The following NOL4L variants were observed in gnomAD, a reference collection of about 807,000 sequenced individuals.
NOL4L encodes nucleolar protein 4-like.
A neutral mutation model predicts 64.5 loss-of-function variants in NOL4L; 7 were observed. The observed-to-expected ratio is 0.11, with a 90% CI of 0.06 to 0.20. The LOEUF (loss-of-function observed/expected upper bound fraction) is 0.20. NOL4L is among the 10% of genes least tolerant of loss of function. The pLI is 1.00. For missense variants in NOL4L, 680 were observed against 967.1 expected, an observed-to-expected ratio of 0.70 and a Z score of 3.94; for synonymous variants, 413 against 401.0, an observed-to-expected ratio of 1.03 and a Z score of -0.36.
At chr20:32,567,894 T>C (rs1165168151) in intron 1 of NOL4L, among the ~76,000 whole-genome samples, 2 of 150,576 alleles carry the variant, frequency 1.3e-5, no homozygotes, top group Admixed American at 6.6e-5. Context: ...ACCACCACCA[T>C]CATCTTCATC....
chr20:32,472,195 T>C (rs913016604), intron 5 of NOL4L, among the ~76,000 whole-genome samples: 2 of 152,208 alleles, frequency 1.3e-5, no homozygotes, highest in African/African-American at 4.8e-5. Context: ...TAGGTCTCAG[T>C]AAATGTTTGT....
chr20:32,536,627 G>C (rs1178629741), intron 1 of NOL4L, among the ~76,000 whole-genome samples: 3 of 149,366 alleles, frequency 2.0e-5, no homozygotes, highest in African/African-American at 7.3e-5. Context: ...CTCGCGGGCA[G>C]GCAGGTAATG....
At chr20:32,475,249 C>T (rs1280118772) in intron 4 of NOL4L, 1 of 985,362 alleles carries the variant, frequency 1.0e-6, no homozygotes, top group Non-Finnish European at 1.2e-6. Context: ...CTCCCACTCC[C>T]CCAGCCCAGA....
intron 1 of NOL4L, chr20:32,535,500 C>A (rs2018491510): frequency 2.5e-6 from 2 of 808,328 alleles, no homozygotes; most frequent in African/African-American, 3.7e-5. Context: ...GCCGCCACCG[C>A]CACCACCGAG....
intron 1 of NOL4L, among the ~76,000 whole-genome samples, chr20:32,561,334 G>C (rs987717254): frequency 3.3e-5 from 5 of 152,200 alleles, no homozygotes; most frequent in African/African-American, 7.2e-5. Flanking sequence ...GCCCAGCCGA[G>C]GCTTGGAAAA....
At chr20:32,502,367 C>A (rs185109662) in intron 4 of NOL4L, among the ~76,000 whole-genome samples, 1 of 144,034 alleles carries the variant, frequency 6.9e-6, no homozygotes, top group Admixed American at 6.9e-5. Context: ...CCGAGGCAGG[C>A]GGATCACCTG....
At chr20:32,484,472 T>C (rs1258875762) in intron 4 of NOL4L, among the ~76,000 whole-genome samples, 2 of 152,004 alleles carry the variant, frequency 1.3e-5, no homozygotes, top group Non-Finnish European at 2.9e-5. Context: ...CCACTTAGTT[T>C]ACACCCCCTC....
intron 1 of NOL4L, among the ~76,000 whole-genome samples, chr20:32,537,691 C>G (rs1169420194): frequency 6.6e-6 from 1 of 152,170 alleles, no homozygotes; most frequent in Non-Finnish European, 1.5e-5. Context: ...CAGGTTCTGT[C>G]CCAGCATCGT....
At chr20:32,481,484 C>A (rs1472801740) in intron 4 of NOL4L, among the ~76,000 whole-genome samples, 3 of 152,134 alleles carry the variant, frequency 2.0e-5, no homozygotes, top group African/African-American at 7.2e-5. Flanking sequence ...TCCACAGAGC[C>A]CCAGGGTAGG....
chr20:32,509,968 T>G, intron 4 of NOL4L: 5 of 1,300,502 alleles, frequency 3.8e-6, no homozygotes, highest in Non-Finnish European at 5.1e-6. Context: ...CACAGATTGC[T>G]CTTCAGTGGC....
At chr20:32,547,580 C>A (rs1280533332) in intron 1 of NOL4L, among the ~76,000 whole-genome samples, 1 of 152,178 alleles carries the variant, frequency 6.6e-6, no homozygotes, top group Non-Finnish European at 1.5e-5. Context: ...CATGAGCCAC[C>A]ATGCCTGGCT....
intron 5 of NOL4L, among the ~76,000 whole-genome samples, chr20:32,466,440 A>G (rs930346554): frequency 1.3e-5 from 2 of 152,152 alleles, no homozygotes; most frequent in African/African-American, 4.8e-5. Context: ...GGCCCAGCAC[A>G]GCCCAGCATT....
At chr20:32,512,214 C>T (rs1189003012) in intron 3 of NOL4L, among the ~76,000 whole-genome samples, 1 of 152,170 alleles carries the variant, frequency 6.6e-6, no homozygotes, top group African/African-American at 2.4e-5. Flanking sequence ...CCCACCACTC[C>T]TTATCATATT....
chr20:32,481,497 C>A (rs1188723817), intron 4 of NOL4L, among the ~76,000 whole-genome samples: 2 of 152,096 alleles, frequency 1.3e-5, no homozygotes, highest in African/African-American at 2.4e-5. Context: ...AGGGTAGGGG[C>A]CGCAGGAAAA....
chr20:32,561,930 A>C (rs1192021500), intron 1 of NOL4L, among the ~76,000 whole-genome samples: 1 of 152,154 alleles, frequency 6.6e-6, no homozygotes, highest in African/African-American at 2.4e-5. Context: ...TTGAGGCTGC[A>C]ATGAGCCGTG....
At chr20:32,549,677 A>G (rs2018773931) in intron 1 of NOL4L, among the ~76,000 whole-genome samples, 1 of 152,104 alleles carries the variant, frequency 6.6e-6, no homozygotes, top group South Asian at 2.1e-4. Context: ...CACTTGAACC[A>G]GGGAGGCAGA....
At position 32,453,094 on chromosome 20, in the gene NOL4L, A is replaced by G; in HGVS notation, c.1498-88T>C. ...ACCCTGCCCCAGGGGTGGGTGGCACAGGGTGGGGTTTGGGCTCCAGCGCCT... is the reference window on the plus strand; with the variant it reads ...ACCCTGCCCCAGGGGTGGGTGGCACGGGGTGGGGTTTGGGCTCCAGCGCCT... On this transcript the variant is annotated intron_variant, in intron 8 of 10. Transcript: ENST00000621426. The surrounding 1 kb of genome is among the most constrained non-coding windows in gnomAD (Gnocchi z 5.6). 2 of 1,568,668 alleles carry G rather than the reference A, an allele frequency of 1.3e-6. No individual in the cohort carries two copies. The highest frequency in any genetic ancestry group is 2.3e-5 in the South Asian group (2 of 88,708).
At chr20:32,496,569 TGA>T (rs945198245) in intron 4 of NOL4L, among the ~76,000 whole-genome samples, 62 of 151,850 alleles carry the variant, frequency 4.1e-4, no homozygotes, top group African/African-American at 1.4e-3. Context: ...TTTTTTTTTT[TGA>T]GAGAGTTTCA....
At chr20:32,504,162 C>T (rs530363381) in intron 4 of NOL4L, among the ~76,000 whole-genome samples, 1 of 152,280 alleles carries the variant, frequency 6.6e-6, no homozygotes, top group African/African-American at 2.4e-5. Flanking sequence ...TGTAATCACT[C>T]TTGCTGGACT....
Sources: gnomAD v4.1 joint callset for allele counts (sites outside exome capture counted in the v4.1 genomes callset) on GRCh38, gnomAD v4.1.1 for gene constraint, Gnocchi (gnomAD v3.1) non-coding constraint, MANE v1.5 for transcripts, NCBI Gene and HGNC (gene_info 2026-07-23, HGNC 2026-07-21) for gene names.